The following LTBP1 variants were observed in gnomAD, a reference collection of about 807,000 sequenced individuals.
LTBP1 encodes the protein latent transforming growth factor beta binding protein 1.
LTBP1 carries 129 observed loss-of-function variants against 207.6 expected under a neutral mutation model. The ratio of observed to expected loss-of-function variants is 0.62; its 90% CI spans 0.54 to 0.72. The LOEUF (loss-of-function observed/expected upper bound fraction) is 0.72. Ranked by LOEUF, LTBP1 falls within the 30% of genes least tolerant of loss-of-function variation. The pLI is 0.00. For missense variants in LTBP1, 2,281 were observed against 2,217.2 expected, an observed-to-expected ratio of 1.03 and a Z score of -0.58; for synonymous variants, 963 against 833.7, an observed-to-expected ratio of 1.16 and a Z score of -2.67.
At chr2:33,009,963 C>G (rs966596918) in intron 2 of LTBP1, among the ~76,000 whole-genome samples, 3 of 152,154 alleles carry the variant, frequency 2.0e-5, no homozygotes, top group Non-Finnish European at 4.4e-5. Flanking sequence ...ATTAGATCTT[C>G]AGGAGAAGGG....
chr2:33,187,778 C>G (rs532171646), intron 6 of LTBP1, among the ~76,000 whole-genome samples: 6 of 152,160 alleles, frequency 3.9e-5, no homozygotes, highest in Non-Finnish European at 5.9e-5. Flanking sequence ...GTGTATGTCA[C>G]AAGAAGCACA....
intron 2 of LTBP1, among the ~76,000 whole-genome samples, chr2:32,991,039 G>C (rs550445829): frequency 6.6e-6 from 1 of 152,194 alleles, no homozygotes; most frequent in Non-Finnish European, 1.5e-5. Flanking sequence ...GAGAGCTGTA[G>C]CAAAGTTTGG....
chr2:32,999,351 A>C (rs1247613768), intron 2 of LTBP1, among the ~76,000 whole-genome samples: 1 of 152,322 alleles, frequency 6.6e-6, no homozygotes, highest in African/African-American at 2.4e-5. Flanking sequence ...CCTTGCCTCC[A>C]TCCAAGGTGA....
At chr2:33,309,822 G>A (rs975259884) in intron 23 of LTBP1, among the ~76,000 whole-genome samples, 18 of 152,094 alleles carry the variant, frequency 1.2e-4, no homozygotes, top group African/African-American at 3.9e-4. Context: ...TTTATTCCAT[G>A]CTGTAACCTT....
chr2:33,311,970 A>G (rs1328664109), intron 23 of LTBP1, among the ~76,000 whole-genome samples: 1 of 152,220 alleles, frequency 6.6e-6, no homozygotes, highest in Non-Finnish European at 1.5e-5. Context: ...TTTCTGAAGT[A>G]GGTCTTAGTA....
rs181675599 is a variant in LTBP1 at position 33,033,995 on chromosome 2, G to A, written c.863+12789G>A. ...AGGCCACAGCCCTAACCCCCTCCCC[G>A]GCTCCCTGGGGGACAGGAGAGCAGA... On this transcript the variant is annotated intron_variant, in intron 3 of 33. Coordinates refer to ENST00000404816, the MANE Select transcript of LTBP1 (RefSeq NM_206943.4). Among the ~76,000 whole-genome samples the A allele has an allele frequency of 1.9e-3, 295 of 152,178 alleles. 1 individual carries two copies. Among genetic ancestry groups the A allele is most frequent in the African/African-American group, 6.8e-3 (281 of 41,514 alleles).
At chr2:33,218,510 C>G (rs779105671) in intron 8 of LTBP1, among the ~76,000 whole-genome samples, 1 of 152,200 alleles carries the variant, frequency 6.6e-6, no homozygotes, top group Non-Finnish European at 1.5e-5. Context: ...GATTCTCCTG[C>G]TTCAGCCTCC....
chr2:32,950,885 G>A (rs760003613), intron 2 of LTBP1, among the ~76,000 whole-genome samples: 2 of 152,156 alleles, frequency 1.3e-5, no homozygotes, highest in Non-Finnish European at 2.9e-5. Context: ...TGGGGAATTC[G>A]GGGATCCAAA....
Position 33,188,696 on chromosome 2 carries a change from C to G in LTBP1, c.1546C>G (p.Pro516Ala), listed in dbSNP as rs146484215. Residue 516 changes from proline (P) to alanine (A), a missense_variant, in exon 7 of 34, where the codon CCA becomes GCA. Transcript: ENST00000404816. ...PTGQKTKEAQPGQSQVSYQGL... is the reference protein window; with the variant it reads ...PTGQKTKEAQAGQSQVSYQGL... The stretch of plus-strand genomic sequence containing the variant: ...AGGCCAGAAGACAAAAGAAGCTCAA[C>G]CAGGCCAATCCCAAGTCTCGTACCA... The G allele has an allele frequency of 6.2e-7, 1 of 1,614,048 alleles. No homozygotes were observed. Among genetic ancestry groups the G allele is most frequent in the African/African-American group, 1.3e-5 (1 of 74,926 alleles).
chr2:33,045,798 G>A lies in LTBP1; in HGVS notation c.863+24592G>A, dbSNP rs184127963. Among the ~76,000 whole-genome samples the A allele has an allele frequency of 3.0e-4, 45 of 152,198 alleles. No individual in the cohort carries two copies. In the East Asian group the frequency reaches 6.0e-3, roughly 20 times the overall value. ...GTCCTGTCTTATTTCCTTGAGCAGC[G>A]GTTTGTAGTTCTCCTTGAAGAGGTC... On this transcript the variant is annotated intron_variant, in intron 3 of 33. Coordinates refer to ENST00000404816, the MANE Select transcript of LTBP1 (RefSeq NM_206943.4).
intron 5 of LTBP1, among the ~76,000 whole-genome samples, chr2:33,175,345 A>T (rs1176173877): frequency 6.6e-6 from 1 of 152,108 alleles, no homozygotes; most frequent in Non-Finnish European, 1.5e-5. Context: ...TGGGCGAAGG[A>T]TATGAACAGA....
In LTBP1 at chr2:33,021,213, G is replaced by T; in HGVS notation, c.863+7G>T. 1 of 1,572,252 alleles carries T rather than the reference G, an allele frequency of 6.4e-7. No individual in the cohort carries two copies. Among genetic ancestry groups the T allele is most frequent in the South Asian group, 1.2e-5 (1 of 84,586 alleles). On this transcript the variant is annotated splice_region_variant and intron_variant, in intron 3 of 33. Coordinates refer to ENST00000404816, the MANE Select transcript of LTBP1 (RefSeq NM_206943.4). ...CCCAGCAGATACATTCTCAGTGAGT[G>T]TTTCGAACTTTCATTTAGCTAAGGA...
intron 4 of LTBP1, among the ~76,000 whole-genome samples, chr2:33,112,593 A>T (rs1038842942): frequency 1.8e-4 from 28 of 152,360 alleles, no homozygotes; most frequent in African/African-American, 6.0e-4. Context: ...AAAGACAAGA[A>T]GGGAGATGTG....
Position 33,186,972 on chromosome 2 carries a change from C to G in LTBP1, c.1318C>G (p.Pro440Ala), listed in dbSNP as rs766463358. The G allele has an allele frequency of 1.2e-6, 2 of 1,614,142 alleles. No individual in the cohort carries two copies. Among genetic ancestry groups the G allele is most frequent in the Admixed American group, 1.7e-5 (1 of 60,010 alleles). The change falls in exon 6 of 34, where the codon CCT becomes GCT. Residue 440 changes from proline to alanine, a missense_variant. Coordinates refer to ENST00000404816, the MANE Select transcript of LTBP1 (RefSeq NM_206943.4). ...CQIPVHGASV[P>A]KLYQHSQQPG... ...GATCCCAGTCCATGGTGCCAGCGTGCCTAAACTTTATCAGCATTCCCAGCA... is the reference window on the plus strand; with the variant it reads ...GATCCCAGTCCATGGTGCCAGCGTGGCTAAACTTTATCAGCATTCCCAGCA...
chr2:33,020,933 A>G lies in LTBP1; in HGVS notation c.590A>G (p.Asn197Ser). Residue 197 changes from asparagine to serine, a missense_variant, in exon 3 of 34, where the codon AAT becomes AGT. Asn to Ser is a conservative substitution (Grantham distance 46). This residue lies in a region of LTBP1 where 555 missense variants were observed against 491.0 expected (regional missense o/e 1.13). Coordinates refer to ENST00000404816, the MANE Select transcript of LTBP1 (RefSeq NM_206943.4). ...GCTAGCTGTGTTCCGCCATGTCAGA[A>G]TGGAGGGATGTGTCTCCGGCCACAA... is the stretch of plus-strand genomic sequence containing the variant. The part of the protein sequence containing the change: ...TKPSCVPPCQ[N>S]GGMCLRPQLC... The G allele has an allele frequency of 6.3e-7, 1 of 1,593,124 alleles. No homozygotes were observed.
intron 5 of LTBP1, among the ~76,000 whole-genome samples, chr2:33,149,565 A>G (rs1420753827): frequency 6.6e-6 from 1 of 152,190 alleles, no homozygotes; most frequent in Non-Finnish European, 1.5e-5. Context: ...AACTGGACCC[A>G]GGCTCCTAGA....
intron 14 of LTBP1, 48 bp from the exon 15 acceptor site, chr2:33,263,246 C>A: frequency 9.2e-7 from 1 of 1,086,030 alleles, no homozygotes; most frequent in Non-Finnish European, 1.4e-6. Context: ...GATCTCAATG[C>A]ACATAACGGG....
At chr2:33,286,234 G>C (rs1348239708) in intron 19 of LTBP1, among the ~76,000 whole-genome samples, 1 of 152,168 alleles carries the variant, frequency 6.6e-6, no homozygotes, top group Non-Finnish European at 1.5e-5. Context: ...TTTAAACTCT[G>C]TGAATGTAGG....
At chr2:33,176,123 T>C (rs2148562316) in intron 5 of LTBP1, among the ~76,000 whole-genome samples, 1 of 151,658 alleles carries the variant, frequency 6.6e-6, no homozygotes, top group African/African-American at 2.4e-5. Flanking sequence ...ACCTGCACAT[T>C]GTGCACATGT....
Sources: allele counts gnomAD v4.1 joint callset (sites outside exome capture counted in the v4.1 genomes callset), GRCh38; gene constraint gnomAD v4.1.1; regional missense constraint gnomAD v4.1.1; transcripts MANE v1.5; gene names NCBI Gene and HGNC (gene_info 2026-07-23, HGNC 2026-07-21).